DISP3: variants seen among roughly 807,000 people sequenced by gnomAD.
DISP3 encodes protein dispatched homolog 3.
In DISP3, 101 loss-of-function variants were observed where a neutral mutation model predicts 135.3. The observed-to-expected ratio is 0.75, with a 90% CI of 0.64 to 0.88. DISP3 has a LOEUF of 0.88. Among genes scored for constraint, DISP3 ranks in the 40% least tolerant of loss-of-function variants. DISP3 has a pLI of 0.00. For synonymous variants in DISP3, 856 were observed against 817.0 expected (o/e 1.05, Z -0.81); for missense variants, 1,713 against 1,878.6 (o/e 0.91, Z 1.63).
intron 13 of DISP3, among the ~76,000 whole-genome samples, chr1:11,527,196 A>C (rs1255425596): frequency 6.6e-6 from 1 of 151,748 alleles, no homozygotes; most frequent in Non-Finnish European, 1.5e-5. Context: ...TGGCCTCCCA[A>C]AGTGCTGGGA....
rs763869954 is a variant in DISP3 at position 11,516,028 on chromosome 1, A to G, written c.1616A>G (p.Asn539Ser). Residue 539 changes from asparagine to serine, a missense_variant, in exon 6 of 21, where the codon AAC becomes AGC. Asn to Ser is a conservative substitution (Grantham distance 46). This residue lies in a region of DISP3 where 1,142 missense variants were observed against 1,384.6 expected (regional missense o/e 0.82). Coordinates refer to ENST00000294484, the MANE Select transcript of DISP3 (RefSeq NM_020780.2). This position sits in a 1 kb window ranked among gnomAD's most constrained non-coding sequence, Gnocchi z 5.1. ...IGVDDVFVFI[N>S]TYRQATHLED... is the part of the protein sequence containing the mutation. Reference sequence around the variant, plus strand: ...GTGGACGATGTCTTTGTGTTCATCAACACCTACCGCCAGGCCACCCACCTG... The same window carrying G: ...GTGGACGATGTCTTTGTGTTCATCAGCACCTACCGCCAGGCCACCCACCTG... 6.2e-7 allele frequency: 1 copy of G among 1,613,992 alleles called. No homozygotes were observed. The highest frequency in any genetic ancestry group is 2.2e-5 in the East Asian group (1 of 44,868).
intron 17 of DISP3, 132 bp from the exon 18 acceptor site, chr1:11,534,249 G>C (rs1642648369): frequency 1.8e-6 from 2 of 1,112,702 alleles, no homozygotes; most frequent in African/African-American, 3.1e-5. Context: ...ATTTTGGATT[G>C]AATCGTTGTT....
rs1239591119 is a variant in DISP3, at chr1:11,536,830, A to AGAT, written c.*146_*148dup. The AGAT allele has an allele frequency of 9.0e-7, 1 of 1,107,474 alleles. No homozygotes were observed. The highest frequency in any genetic ancestry group is 2.6e-5 in the East Asian group (1 of 38,276). 68.6% of individuals were successfully genotyped at this position (1,107,474 alleles called of 1,614,324 possible). On this transcript the variant is annotated 3_prime_UTR_variant, in exon 21 of 21. Coordinates refer to ENST00000294484, the MANE Select transcript of DISP3 (RefSeq NM_020780.2). This position sits in a 1 kb window ranked among gnomAD's most constrained non-coding sequence, Gnocchi z 4.3. ...CCAGCGTGGAGGCTGACACCCACAC[A>AGAT]GATGGTGTGGACCATGCTGCCTTGT... is the stretch of plus-strand genomic sequence containing the variant.
intron 1 of DISP3, among the ~76,000 whole-genome samples, chr1:11,492,624 C>G (rs1641220210): frequency 6.6e-6 from 1 of 152,046 alleles, no homozygotes; most frequent in Non-Finnish European, 1.5e-5. Context: ...GTCATTTGTA[C>G]CCCCTCTGAA....
intron 3 of DISP3, among the ~76,000 whole-genome samples, chr1:11,512,087 A>G (rs1160656596): frequency 1.3e-5 from 2 of 152,002 alleles, no homozygotes; most frequent in Non-Finnish European, 2.9e-5. Context: ...CCATGAAACC[A>G]ATTCTTCCTC....
intron 18 of DISP3, 96 bp from the exon 19 acceptor site, chr1:11,534,915 G>C (rs74055730): frequency 3.7e-6 from 4 of 1,091,726 alleles, no homozygotes; most frequent in Non-Finnish European, 5.4e-6. Context: ...CAGACTGGGA[G>C]TCGGAGTCTC....
intron 17 of DISP3, among the ~76,000 whole-genome samples, chr1:11,533,229 G>A (rs1642617597): frequency 6.7e-6 from 1 of 148,968 alleles, no homozygotes; most frequent in Admixed American, 6.7e-5. Context: ...GAATCATATG[G>A]TGTTTGTCCT....
intron 15 of DISP3, among the ~76,000 whole-genome samples, chr1:11,530,358 A>G (rs1181297653): frequency 6.6e-6 from 1 of 152,168 alleles, no homozygotes; most frequent in African/African-American, 2.4e-5. Context: ...TTTTGAAAGC[A>G]CTGCTTGAGC....
Position 11,519,614 on chromosome 1 carries a change from G to A in DISP3, c.2039-105G>A. 1 of 1,568,952 alleles carries A rather than the reference G, an allele frequency of 6.4e-7. No individual in the cohort carries two copies. Among genetic ancestry groups the A allele is most frequent in the South Asian group, 1.2e-5 (1 of 85,780 alleles). On this transcript the variant is annotated intron_variant, in intron 8 of 20. Coordinates refer to ENST00000294484, the MANE Select transcript of DISP3 (RefSeq NM_020780.2). This position sits in a 1 kb window ranked among gnomAD's most constrained non-coding sequence, Gnocchi z 4.3. ...CCTGAGGCTGGGGGCCGGACAAGAT[G>A]GCCTGTGGGCTTCCTCACCAGGCAT...
intron 10 of DISP3, among the ~76,000 whole-genome samples, chr1:11,522,733 GCCAGGGCCCAGCCAGGACCCAGCCAGGA>G (rs1642260370): frequency 1.7e-4 from 23 of 136,598 alleles, no homozygotes; most frequent in South Asian, 6.7e-4. Flanking sequence ...CCAGGGCCCA[GCCAGGGCCCAGCCAGGACCCAGCCAGGA>G]CCCAGCCAGG....
At chr1:11,479,535 AG>A (rs1160372606) in intron 1 of DISP3, among the ~76,000 whole-genome samples, 163 bp downstream of exon 1, 1 of 152,076 alleles carries the variant, frequency 6.6e-6, no homozygotes, top group Non-Finnish European at 1.5e-5. Context: ...CGGGCCTCGG[AG>A]CCCCCCGGGA....
rs1332872732 is a variant in DISP3 at position 11,502,062 on chromosome 1, T to C, written c.1070T>C (p.Met357Thr). ...ERGGKIYYDG[M>T]GQDLADIRGS... ...GGCGGCAAGATCTACTATGACGGCA[T>C]GGGCCAGGACCTGGCGGACATCCGG... The change falls in exon 2 of 21, where the codon ATG becomes ACG. Residue 357 changes from methionine (M) to threonine (T), a missense_variant. This residue lies in a region of DISP3 where 571 missense variants were observed against 494.1 expected (regional missense o/e 1.16). Coordinates refer to ENST00000294484, the MANE Select transcript of DISP3 (RefSeq NM_020780.2). 2 of 1,587,366 alleles carry C rather than the reference T, an allele frequency of 1.3e-6. No homozygotes were observed. Among genetic ancestry groups the C allele is most frequent in the Admixed American group, 1.8e-5 (1 of 57,032 alleles).
At chr1:11,530,124 T>C (rs908286589) in intron 15 of DISP3, among the ~76,000 whole-genome samples, 165 bp downstream of exon 15, 3 of 152,202 alleles carry the variant, frequency 2.0e-5, no homozygotes, top group East Asian at 1.9e-4. Flanking sequence ...GGTCCGGTTT[T>C]TCTTGAGGAC....
At position 11,516,339 on chromosome 1, in the gene DISP3, T is replaced by A. The variant is rs1368686572; in HGVS notation, c.1749+178T>A. ...TCACCCATTACCCAAACTTAACAAGTGGGAATATTATAATAATCCAGACAG... is the reference window on the plus strand; with the variant it reads ...TCACCCATTACCCAAACTTAACAAGAGGGAATATTATAATAATCCAGACAG... On this transcript the variant is annotated intron_variant, in intron 6 of 20. Transcript: ENST00000294484. The surrounding 1 kb of genome is among the most constrained non-coding windows in gnomAD (Gnocchi z 5.1). Among the ~76,000 whole-genome samples the A allele has an allele frequency of 6.6e-6, 1 of 152,122 alleles. No homozygotes were observed. The highest frequency in any genetic ancestry group is 1.5e-5 in the Non-Finnish European group (1 of 68,020).
rs779332255 is a variant in DISP3, at chr1:11,501,884, A to G, written c.892A>G (p.Ile298Val). Residue 298 changes from isoleucine (I) to valine (V), a missense_variant, in exon 2 of 21, where the codon ATC (isoleucine) becomes GTC (valine). Around this residue, in one of 2 missense-constraint regions of DISP3, gnomAD observed 571 missense variants for 494.1 expected, o/e 1.16. Transcript: ENST00000294484. The surrounding 1 kb of genome is among the most constrained non-coding windows in gnomAD (Gnocchi z 4.9). ...NIFTSERLVT[I>V]HEIERKIMDH... ...TTTCACCAGTGAGCGCCTGGTCACG[A>G]TCCATGAGATCGAGCGCAAGATCAT... 6.2e-7 allele frequency: 1 copy of G among 1,613,368 alleles called. No individual in the cohort carries two copies. Among genetic ancestry groups the G allele is most frequent in the South Asian group, 1.1e-5 (1 of 91,028 alleles).
intron 1 of DISP3, 49 bp from the exon 2 acceptor site, chr1:11,500,941 C>T: frequency 6.3e-7 from 1 of 1,597,998 alleles, no homozygotes; most frequent in Non-Finnish European, 8.5e-7. Context: ...CACAGGGCAC[C>T]TTCCCCTCAC....
Position 11,530,135 on chromosome 1 carries a change from T to A in DISP3, c.3102+176T>A, listed in dbSNP as rs546498494. On this transcript the variant is annotated intron_variant, in intron 15 of 20. Coordinates refer to ENST00000294484, the MANE Select transcript of DISP3 (RefSeq NM_020780.2). ...TGGGGGTCCGGTTTTTCTTGAGGAC[T>A]CAATGGCGTTGACCTCTTAGATTCA... Among the ~76,000 whole-genome samples, 23 of 152,334 alleles carry A rather than the reference T, an allele frequency of 1.5e-4. 1 individual carries two copies. In the East Asian group the frequency reaches 4.4e-3, roughly 29 times the overall value.
chr1:11,488,701 A>G (rs2100364335), intron 1 of DISP3, among the ~76,000 whole-genome samples: 1 of 152,186 alleles, frequency 6.6e-6, no homozygotes, highest in East Asian at 1.9e-4. Flanking sequence ...ATGCACAGAC[A>G]CCCAAGTGGG....
chr1:11,512,035 A>G (rs1641869704), intron 3 of DISP3, among the ~76,000 whole-genome samples: 1 of 152,188 alleles, frequency 6.6e-6, no homozygotes, highest in Non-Finnish European at 1.5e-5. Context: ...ACAGGGCACC[A>G]AGTCCCTAGG....
Sources: gnomAD v4.1 joint callset for allele counts (sites outside exome capture counted in the v4.1 genomes callset) on GRCh38, gnomAD v4.1.1 for gene constraint, gnomAD v4.1.1 regional missense constraint, Gnocchi (gnomAD v3.1) non-coding constraint, MANE v1.5 for transcripts, NCBI Gene and HGNC (gene_info 2026-07-23, HGNC 2026-07-21) for gene names.